The following CD109 variants were observed in gnomAD, a reference collection of about 807,000 sequenced individuals.
CD109 encodes CD109 antigen.
In CD109, 149 loss-of-function variants were observed where a neutral mutation model predicts 165.8. That is an observed-to-expected ratio of 0.90 (90% CI 0.79 to 1.03). The LOEUF (loss-of-function observed/expected upper bound fraction) is 1.03. CD109 is among the 50% of genes least tolerant of loss of function. The pLI, the probability that CD109 is intolerant of heterozygous loss-of-function variation, is 0.00. For missense variants in CD109, 1,712 were observed against 1,677.8 expected, an observed-to-expected ratio of 1.02 and a Z score of -0.36; for synonymous variants, 585 against 592.1, an observed-to-expected ratio of 0.99 and a Z score of 0.18.
Position 73,762,374 on chromosome 6 carries a change from A to T in CD109, c.759-10A>T. 6.6e-7 allele frequency: 1 copy of T among 1,522,010 alleles called. No individual in the cohort carries two copies. Among genetic ancestry groups the T allele is most frequent in the South Asian group, 1.1e-5 (1 of 87,408 alleles). The allele number at this position is 1,522,010 out of a possible 1,614,324, so 94.3% of individuals were successfully genotyped here. A position where few individuals can be genotyped will look rare whatever the true frequency, so the allele number is the denominator to read the frequency against. ...TGATACATAAAAAGACTATGTTTAT[A>T]ATTATTCAGGTATACATATGGGAAG... On this transcript the variant is annotated splice_polypyrimidine_tract_variant and intron_variant, in intron 7 of 32. Coordinates refer to ENST00000287097, the MANE Select transcript of CD109 (RefSeq NM_133493.5).
chr6:73,821,189 AG>A (rs1237714299), intron 32 of CD109, among the ~76,000 whole-genome samples: 2 of 152,196 alleles, frequency 1.3e-5, no homozygotes, highest in African/African-American at 4.8e-5. Flanking sequence ...GGATAGCATT[AG>A]GAGTTATACC....
rs902159292 is a variant in CD109, at chr6:73,767,078, T to C, written c.1497+68T>C. The C allele has an allele frequency of 1.1e-5, 15 of 1,372,710 alleles. No homozygotes were observed. In the East Asian group the frequency reaches 3.3e-4, roughly 30 times the overall value. 85.0% of individuals were successfully genotyped at this position (1,372,710 alleles called of 1,614,324 possible). ...CATCTTTTTATTCACTTTTAAGTTC[T>C]GGGGTACATGTGCAGGTTTGTTATA... On this transcript the variant is annotated intron_variant, in intron 13 of 32. Coordinates refer to ENST00000287097, the MANE Select transcript of CD109 (RefSeq NM_133493.5).
chr6:73,714,684 C>A (rs1426628943), intron 2 of CD109, among the ~76,000 whole-genome samples: 1 of 152,132 alleles, frequency 6.6e-6, no homozygotes, highest in Non-Finnish European at 1.5e-5. Context: ...GTTTTTATAT[C>A]CTTTTCAGAG....
intron 22 of CD109, among the ~76,000 whole-genome samples, chr6:73,791,160 T>TATATACACACATACAC (rs1774930296): frequency 1.5e-4 from 5 of 33,410 alleles, no homozygotes; most frequent in African/African-American, 4.8e-4. Flanking sequence ...TATATATATA[T>TATATACACACATACAC]ATATATATAT....
Position 73,768,546 on chromosome 6 carries a change from CAT to C in CD109, c.1674+317_1674+318del, listed in dbSNP as rs1251388329. 5.9e-5 allele frequency among the ~76,000 whole-genome samples: 9 copies of C among 152,226 alleles called. No individual in the cohort carries two copies. In the South Asian group the frequency reaches 8.3e-4, roughly 14 times the overall value. On this transcript the variant is annotated intron_variant, in intron 14 of 32. Coordinates refer to ENST00000287097, the MANE Select transcript of CD109 (RefSeq NM_133493.5). ...CTCAGGAGTGAAATTCCAGTGGTAA[CAT>C]AGAATTCGTGTGGTGTTGATATTGC...
intron 20 of CD109, 60 bp from the exon 21 acceptor site, chr6:73,787,174 A>G: frequency 9.3e-7 from 1 of 1,080,988 alleles, no homozygotes; most frequent in Non-Finnish European, 1.4e-6. Context: ...TGGTGATAAA[A>G]GAGCACTTTA....
chr6:73,749,883 A>G lies in CD109; in HGVS notation c.634-6760A>G, dbSNP rs1375394564. ...AGTTTCTATGTAAAAGTATGACATG[A>G]TTAAAGTTGTATTTTAGGAAGATCA... On this transcript the variant is annotated intron_variant, in intron 5 of 32. Coordinates refer to ENST00000287097, the MANE Select transcript of CD109 (RefSeq NM_133493.5). Among the ~76,000 whole-genome samples the G allele has an allele frequency of 2.0e-5, 3 of 152,200 alleles. No homozygotes were observed. In the South Asian group the frequency reaches 6.2e-4, roughly 32 times the overall value.
intron 21 of CD109, among the ~76,000 whole-genome samples, chr6:73,788,096 C>T (rs41266747): frequency 0.033 from 5,003 of 152,188 alleles, 123 homozygotes; most frequent in Non-Finnish European, 0.05. Context: ...AAATGGTACG[C>T]GCTGTGTCAT....
intron 2 of CD109, among the ~76,000 whole-genome samples, chr6:73,717,179 G>A (rs1339412895): frequency 1.3e-5 from 2 of 150,560 alleles, no homozygotes; most frequent in Admixed American, 6.6e-5. Context: ...GGTTACTATA[G>A]CTCTGTAGCA....
At chr6:73,766,500 T>C (rs531837745) in intron 11 of CD109, among the ~76,000 whole-genome samples, 22 of 143,882 alleles carry the variant, frequency 1.5e-4, no homozygotes, top group East Asian at 1.2e-3. Context: ...TATATATATA[T>C]ACACACATAT....
intron 5 of CD109, among the ~76,000 whole-genome samples, chr6:73,738,231 C>T (rs1240391021): frequency 6.6e-6 from 1 of 152,216 alleles, no homozygotes; most frequent in Non-Finnish European, 1.5e-5. Context: ...CTTCTGTCTC[C>T]CATGGTCTGC....
intron 24 of CD109, 29 bp from the exon 25 acceptor site, chr6:73,806,815 T>C (rs1775581903): frequency 6.5e-7 from 1 of 1,544,230 alleles, no homozygotes; most frequent in South Asian, 1.1e-5. Context: ...AAAGTGTATT[T>C]TATGTAATTT....
At chr6:73,700,742 A>T (rs1771035595) in intron 2 of CD109, among the ~76,000 whole-genome samples, 1 of 127,478 alleles carries the variant, frequency 7.8e-6, no homozygotes, top group South Asian at 2.4e-4. Flanking sequence ...TATTACTGTT[A>T]TTCATTTAAA....
At chr6:73,772,645 A>G (rs1338758994) in intron 15 of CD109, among the ~76,000 whole-genome samples, 1 of 152,092 alleles carries the variant, frequency 6.6e-6, no homozygotes. Flanking sequence ...TGCATAAATG[A>G]ATCCCATATT....
chr6:73,747,749 T>G (rs1363970538), intron 5 of CD109, among the ~76,000 whole-genome samples: 1 of 152,192 alleles, frequency 6.6e-6, no homozygotes, highest in Non-Finnish European at 1.5e-5. Context: ...CTACCTTATT[T>G]AATTCTCTAT....
At chr6:73,741,291 CT>C (rs1380737085) in intron 5 of CD109, among the ~76,000 whole-genome samples, 2 of 152,138 alleles carry the variant, frequency 1.3e-5, no homozygotes, top group Admixed American at 6.5e-5. Context: ...GATTGTACTT[CT>C]TCTCTTGAGA....
chr6:73,803,179 G>A (rs1199355901), intron 23 of CD109, 41 bp from the exon 24 acceptor site: 2 of 1,376,864 alleles, frequency 1.5e-6, no homozygotes, highest in Admixed American at 3.4e-5. Context: ...TCCATTGCAA[G>A]TTAATGATTA....
intron 2 of CD109, among the ~76,000 whole-genome samples, chr6:73,709,733 C>A (rs1285321268): frequency 1.3e-5 from 2 of 152,128 alleles, no homozygotes; most frequent in South Asian, 4.1e-4. Context: ...CATCAAAAAG[C>A]TTATCCACCA....
At position 73,812,332 on chromosome 6, in the gene CD109, G is replaced by T. The variant is rs1775785311; in HGVS notation, c.3768+62G>T. ...ACTTTTTATAATAATTATTTGGTTT[G>T]GGGCTTTATTAAATCTTAGATAACT... is the stretch of plus-strand genomic sequence containing the variant. On this transcript the variant is annotated intron_variant, in intron 29 of 32. Coordinates refer to ENST00000287097, the MANE Select transcript of CD109 (RefSeq NM_133493.5). 3.7e-6 allele frequency: 4 copies of T among 1,095,192 alleles called. No homozygotes were observed. The Admixed American group carries it at 6.0e-5, about 17-fold the overall frequency. The allele number at this position is 1,095,192 out of a possible 1,614,324, so 67.8% of individuals were successfully genotyped here. A position where few individuals can be genotyped will look rare whatever the true frequency, so the allele number is the denominator to read the frequency against.
Sources: gnomAD v4.1 joint callset for allele counts (sites outside exome capture counted in the v4.1 genomes callset) on GRCh38, gnomAD v4.1.1 for gene constraint, MANE v1.5 for transcripts, NCBI Gene and HGNC (gene_info 2026-07-23, HGNC 2026-07-21) for gene names.